Variants in TPR observed in about 807,000 individuals in gnomAD.
The protein encoded by TPR is translocated promoter region, nuclear basket protein.
Under a neutral mutation model 316.1 loss-of-function variants are expected in TPR, and 51 were observed. That is an observed-to-expected ratio of 0.16 (90% confidence interval 0.13 to 0.20). TPR has a LOEUF of 0.20. TPR is among the 10% of genes least tolerant of loss of function. The pLI, the probability that TPR is intolerant of heterozygous loss-of-function variation, is 1.00. For missense variants in TPR, 2,272 were observed against 2,754.8 expected (o/e 0.82, Z 3.92); for synonymous variants, 981 against 914.7 (o/e 1.07, Z -1.31).
Position 186,312,438 on chromosome 1 carries a change from G to T in TPR, c.*1533C>A. On this transcript the variant is annotated 3_prime_UTR_variant, in exon 51 of 51. Transcript: ENST00000367478. ...TAGATGTAATACAGTTTCTTATACAGTAAGGCTTATGAAATATGGATACTG... is the reference window on the plus strand; with the variant it reads ...TAGATGTAATACAGTTTCTTATACATTAAGGCTTATGAAATATGGATACTG... The T allele has an allele frequency of 7.1e-7, 1 of 1,406,178 alleles. No homozygotes were observed. Among genetic ancestry groups the T allele is most frequent in the Admixed American group, 2.1e-5 (1 of 48,160 alleles). The allele number at this position is 1,406,178 out of a possible 1,614,324, so 87.1% of individuals were successfully genotyped here. A position where few individuals can be genotyped will look rare whatever the true frequency, so the allele number is the denominator to read the frequency against.
At position 186,359,939 on chromosome 1, in the gene TPR, T is replaced by G. The variant is rs1219202184; in HGVS notation, c.1249A>C (p.Lys417Gln). ...TCATCTAGGTACTTATTAATTCTTT[T>G]GTTCTCTAGTTTCTCCAAAAGCAAC... The part of the protein sequence containing the change: ...DQLLLEKLEN[K>Q]RINKYLDEIV... Residue 417 changes from lysine (K) to glutamine (Q), a missense_variant, in exon 12 of 51, where the codon AAA becomes CAA. Physicochemically the swap from Lys to Gln is moderately conservative, Grantham distance 53. Transcript: ENST00000367478. 7.5e-6 allele frequency: 12 copies of G among 1,609,338 alleles called. No individual in the cohort carries two copies. Among genetic ancestry groups the G allele is most frequent in the Non-Finnish European group, 1.0e-5 (12 of 1,178,824 alleles).
chr1:186,325,882 C>A, intron 41 of TPR, 28 bp from the exon 42 acceptor site: 7 of 1,601,436 alleles, frequency 4.4e-6, no homozygotes, highest in Non-Finnish European at 6.0e-6. Context: ...TAACATAATG[C>A]TCAAATAAAA....
Position 186,315,458 on chromosome 1 carries a change from T to G in TPR, c.6941-734A>C, listed in dbSNP as rs995980787. Among the ~76,000 whole-genome samples the G allele has an allele frequency of 2.4e-4, 37 of 152,234 alleles. 1 individual carries two copies. Among genetic ancestry groups the G allele is most frequent in the African/African-American group, 8.2e-4 (34 of 41,546 alleles). On this transcript the variant is annotated intron_variant, in intron 49 of 50. Transcript: ENST00000367478. Reference sequence around the variant, plus strand: ...CCCAAATGCAATCATTAGCAAATCATGAATGCTCAAATTTAAATATATATC... The same window carrying G: ...CCCAAATGCAATCATTAGCAAATCAGGAATGCTCAAATTTAAATATATATC...
chr1:186,354,375 A>G (rs1159835893), intron 17 of TPR, among the ~76,000 whole-genome samples: 1 of 152,190 alleles, frequency 6.6e-6, no homozygotes, highest in Non-Finnish European at 1.5e-5. Context: ...CAGTATACAA[A>G]TTAAGTTATT....
intron 39 of TPR, among the ~76,000 whole-genome samples, chr1:186,330,409 G>T (rs983325583): frequency 6.6e-6 from 1 of 152,156 alleles, no homozygotes; most frequent in Non-Finnish European, 1.5e-5. Flanking sequence ...CCTGCTTAAA[G>T]AGGCTGCGCA....
chr1:186,349,928 C>T (rs570502343), intron 21 of TPR, among the ~76,000 whole-genome samples: 1 of 152,124 alleles, frequency 6.6e-6, no homozygotes, highest in Non-Finnish European at 1.5e-5. Context: ...AAATAACCCT[C>T]TTCAGAAAGA....
At chr1:186,333,933 T>C (rs1658257740) in intron 36 of TPR, among the ~76,000 whole-genome samples, 1 of 152,148 alleles carries the variant, frequency 6.6e-6, no homozygotes, top group African/African-American at 2.4e-5. Context: ...AATAAGAAGC[T>C]GAGATTTTTG....
intron 5 of TPR, 34 bp downstream of exon 5, chr1:186,363,308 A>G (rs547873520): frequency 1.4e-6 from 2 of 1,480,456 alleles, no homozygotes. Context: ...ATAAAAAGCT[A>G]TAGTTTATGC....
At chr1:186,318,922 A>C (rs945543928) in intron 46 of TPR, 94 bp from the exon 47 acceptor site, 68 of 1,169,756 alleles carry the variant, frequency 5.8e-5, no homozygotes, top group Middle Eastern at 2.8e-4. Context: ...ATTATTGGAG[A>C]TATACAACTT....
Position 186,323,776 on chromosome 1 carries a change from T to C in TPR, c.6207A>G (p.Arg2069=). 2 of 1,542,662 alleles carry C rather than the reference T, an allele frequency of 1.3e-6. No individual in the cohort carries two copies. The highest frequency in any genetic ancestry group is 1.3e-5 in the South Asian group (1 of 79,300). Residue 2069 remains arginine (R), a synonymous_variant, in exon 43 of 51, where the codon CGA becomes CGG. Transcript: ENST00000367478. ...PSSASERQAP[R]APQSPRRPPH... ...GTGGGCGTCTCGGTGACTGAGGTGC[T>C]CGAGGGGCCTGTCTTTCAGATGCTG...
intron 45 of TPR, among the ~76,000 whole-genome samples, 166 bp downstream of exon 45, chr1:186,322,152 A>G (rs1657793153): frequency 6.6e-6 from 1 of 152,182 alleles, no homozygotes; most frequent in Admixed American, 6.5e-5. Context: ...ACCTCTGTAT[A>G]ATTTTCCCCA....
At chr1:186,325,559 G>T in intron 42 of TPR, 2 of 432,942 alleles carry the variant, frequency 4.6e-6, no homozygotes, top group East Asian at 3.5e-5. Flanking sequence ...GCAGCCCAAT[G>T]AGGCAGAAAA....
At position 186,355,626 on chromosome 1, in the gene TPR, G is replaced by T; in HGVS notation, c.2022+9C>A. Reference sequence around the variant, plus strand: ...AAAACCTAACCCAGGACAAAGGTGTGATCTTTACCTGTTTAAGGGCAGCCT... The same window carrying T: ...AAAACCTAACCCAGGACAAAGGTGTTATCTTTACCTGTTTAAGGGCAGCCT... On this transcript the variant is annotated intron_variant, in intron 16 of 50. Coordinates refer to ENST00000367478, the MANE Select transcript of TPR (RefSeq NM_003292.3). 1 of 1,614,050 alleles carries T rather than the reference G, an allele frequency of 6.2e-7. No homozygotes were observed. Among genetic ancestry groups the T allele is most frequent in the Non-Finnish European group, 8.5e-7 (1 of 1,179,990 alleles).
intron 4 of TPR, among the ~76,000 whole-genome samples, chr1:186,367,023 T>A (rs865980383): frequency 3.3e-5 from 5 of 149,560 alleles, no homozygotes; most frequent in Admixed American, 6.7e-5. Context: ...AATAAAAAAA[T>A]TTCAAAAACC....
chr1:186,324,889 C>T (rs919729297), intron 42 of TPR, among the ~76,000 whole-genome samples: 3 of 152,004 alleles, frequency 2.0e-5, no homozygotes, highest in African/African-American at 4.8e-5. Flanking sequence ...ACGTGATACA[C>T]AAAAAATGTT....
At position 186,333,220 on chromosome 1, in the gene TPR, A is replaced by G. The variant is rs768358305; in HGVS notation, c.5357T>C (p.Ile1786Thr). The G allele has an allele frequency of 1.7e-5, 28 of 1,613,674 alleles. No individual in the cohort carries two copies. The East Asian group carries it at 5.8e-4, about 33-fold the overall frequency. ...VQPTQQSHPQ[I>T]EPANQELSSN... is the part of the protein sequence containing the mutation. The stretch of plus-strand genomic sequence containing the variant: ...AGATAACTCTTGATTGGCAGGCTCA[A>G]TCTGAGGATGACTCTGTTGAGTGGG... Residue 1786 changes from isoleucine to threonine, a missense_variant, in exon 37 of 51, where the codon ATT becomes ACT. This residue lies in a region of TPR where 435 missense variants were observed against 461.1 expected (regional missense o/e 0.94). Coordinates refer to ENST00000367478, the MANE Select transcript of TPR (RefSeq NM_003292.3).
At chr1:186,341,580 A>G (rs1658506889) in intron 27 of TPR, 191 bp from the exon 28 acceptor site, 2 of 524,026 alleles carry the variant, frequency 3.8e-6, no homozygotes, top group Non-Finnish European at 6.6e-6. Context: ...AACAAATACA[A>G]GAATTACAAA....
intron 12 of TPR, among the ~76,000 whole-genome samples, chr1:186,359,584 C>T (rs2101982975): frequency 6.6e-6 from 1 of 152,000 alleles, no homozygotes; most frequent in East Asian, 1.9e-4. Flanking sequence ...GGTTAAAATG[C>T]TTTCACAATT....
At chr1:186,319,345 C>A (rs1557983919) in intron 46 of TPR, among the ~76,000 whole-genome samples, 1 of 152,038 alleles carries the variant, frequency 6.6e-6, no homozygotes, top group Non-Finnish European at 1.5e-5. Context: ...GCTACAGTAC[C>A]CTTAAAACAT....
Sources: allele counts gnomAD v4.1 joint callset (sites outside exome capture counted in the v4.1 genomes callset), GRCh38; gene constraint gnomAD v4.1.1; regional missense constraint gnomAD v4.1.1; transcripts MANE v1.5; gene names NCBI Gene and HGNC (gene_info 2026-07-23, HGNC 2026-07-21).